The following RABGAP1 variants were observed in gnomAD, a reference collection of about 807,000 sequenced individuals.
RABGAP1 encodes the protein RAB GTPase activating protein 1.
In RABGAP1, 23 loss-of-function variants were observed where a neutral mutation model predicts 137.6. That is an observed-to-expected ratio of 0.17 (90% CI 0.12 to 0.24). The LOEUF (loss-of-function observed/expected upper bound fraction) is 0.24. Among genes scored for constraint, RABGAP1 ranks in the 10% least tolerant of loss-of-function variants. The probability of loss-of-function intolerance (pLI) is 1.00; values close to 1 mark genes in which losing one functional copy is unlikely to be tolerated. For missense variants in RABGAP1, 906 were observed against 1,275.8 expected (o/e 0.71, Z 4.42); for synonymous variants, 451 against 450.7 (o/e 1.00, Z -0.01).
chr9:123,050,922 A>G (rs866218406), intron 13 of RABGAP1, among the ~76,000 whole-genome samples: 2 of 152,272 alleles, frequency 1.3e-5, no homozygotes, highest in African/African-American at 4.8e-5. Context: ...ATGAAATACA[A>G]AGTTTCAATA....
chr9:123,023,174 T>C (rs1479683174), intron 13 of RABGAP1, among the ~76,000 whole-genome samples: 1 of 152,016 alleles, frequency 6.6e-6, no homozygotes, highest in East Asian at 1.9e-4. Flanking sequence ...TTAGTTTTGA[T>C]TGTTCTTGAA....
At chr9:122,934,234 C>G in the RABGAP1 span, among the ~76,000 whole-genome samples, 1 of 151,878 alleles carries the variant, frequency 6.6e-6, no homozygotes, top group African/African-American at 2.4e-5. Context: ...CGTGCCACCA[C>G]ACCCGGCTAA....
intron 21 of RABGAP1, 84 bp from the exon 22 acceptor site, chr9:123,097,657 C>A: frequency 2.5e-6 from 3 of 1,182,380 alleles, no homozygotes; most frequent in Non-Finnish European, 3.6e-6. Context: ...TCCCCATCAT[C>A]TTAAAATGGG....
intron 24 of RABGAP1, among the ~76,000 whole-genome samples, chr9:123,101,139 C>A (rs2035333189): frequency 6.6e-6 from 1 of 152,168 alleles, no homozygotes; most frequent in East Asian, 1.9e-4. Flanking sequence ...CATCCATTTT[C>A]CAATGTTATA....
At chr9:122,933,906 G>T in the RABGAP1 span, among the ~76,000 whole-genome samples, 2 of 146,436 alleles carry the variant, frequency 1.4e-5, no homozygotes, top group Non-Finnish European at 3.0e-5. Context: ...GAGCCACTGT[G>T]TCCAGCCCTT....
At chr9:123,015,683 T>G in intron 12 of RABGAP1, 47 bp downstream of exon 12, 2 of 1,350,702 alleles carry the variant, frequency 1.5e-6, no homozygotes, top group Non-Finnish European at 2.1e-6. Context: ...TTTCATTTTA[T>G]GGGTAGAGAA....
chr9:122,989,377 G>A lies in RABGAP1; in HGVS notation c.671G>A (p.Gly224Glu), dbSNP rs1564382399. The change falls in exon 5 of 26, where the codon GGA (glycine) becomes GAA (glutamate). Residue 224 changes from glycine (G) to glutamate (E), a missense_variant. Transcript: ENST00000373647. ...CTCTTCTGTGTCAGAGGGCATGATG[G>A]AACTCCTGAGAGTGACTGTTTTGCT... ...KILFCVRGHD[G>E]TPESDCFAFT... The A allele has an allele frequency of 3.7e-6, 6 of 1,613,912 alleles. No individual in the cohort carries two copies. The East Asian group carries it at 1.1e-4, about 30-fold the overall frequency.
intron 14 of RABGAP1, among the ~76,000 whole-genome samples, chr9:123,067,028 C>T (rs1174156370): frequency 6.6e-6 from 1 of 152,070 alleles, no homozygotes; most frequent in African/African-American, 2.4e-5. Context: ...AATACTACAT[C>T]TCTAAAAAAT....
chr9:123,097,922 C>T, intron 22 of RABGAP1, 77 bp downstream of exon 22: 4 of 1,240,700 alleles, frequency 3.2e-6, no homozygotes, highest in Non-Finnish European at 4.5e-6. Context: ...TTCCTGTTGG[C>T]ACTAGAAAAC....
At position 122,989,707 on chromosome 9, in the gene RABGAP1, G is replaced by T; in HGVS notation, c.765+236G>T. On this transcript the variant is annotated intron_variant, in intron 5 of 25. Transcript: ENST00000373647. ...AGATCTGTTGGCTACTTTTGATTGG[G>T]TTAAGTAGGCATTCTGGTTCTAACA... is the stretch of plus-strand genomic sequence containing the variant. The T allele has an allele frequency of 7.2e-6, 4 of 558,920 alleles. No individual in the cohort carries two copies. The South Asian group carries it at 9.6e-5, about 13-fold the overall frequency. 34.6% of individuals were successfully genotyped at this position (558,920 alleles called of 1,614,324 possible).
intron 14 of RABGAP1, among the ~76,000 whole-genome samples, chr9:123,067,194 G>T (rs2034204156): frequency 6.6e-6 from 1 of 152,082 alleles, no homozygotes; most frequent in Non-Finnish European, 1.5e-5. Context: ...CCATACCATT[G>T]TCCTGCTGCA....
At chr9:123,074,770 C>T (rs1246687141) in intron 17 of RABGAP1, among the ~76,000 whole-genome samples, 1 of 152,226 alleles carries the variant, frequency 6.6e-6, no homozygotes, top group African/African-American at 2.4e-5. Context: ...GTGCCTTCCC[C>T]TCACTCTGGC....
chr9:123,009,241 C>G (rs2030584259), intron 10 of RABGAP1, among the ~76,000 whole-genome samples: 1 of 152,194 alleles, frequency 6.6e-6, no homozygotes, highest in Non-Finnish European at 1.5e-5. Flanking sequence ...CTATTTGGCT[C>G]TTTACAGAAA....
In RABGAP1 at chr9:122,990,797, ATAT is replaced by A. The variant is rs1398411223; in HGVS notation, c.923+585_923+587del. ...AAAAAAAAAAAAAAAAAAAAAAAAA[ATAT>A]ATATATATATATATATATATATATA... On this transcript the variant is annotated intron_variant, in intron 6 of 25. Coordinates refer to ENST00000373647, the MANE Select transcript of RABGAP1 (RefSeq NM_012197.4). 50 of 31,774 alleles carry A rather than the reference ATAT, an allele frequency of 1.6e-3. 1 individual carries two copies. The highest frequency in any genetic ancestry group is 8.6e-3 in the African/African-American group (37 of 4,312). The allele number at this position is 31,774 out of a possible 1,614,324, so 2.0% of individuals were successfully genotyped here.
intron 2 of RABGAP1, among the ~76,000 whole-genome samples, chr9:122,983,929 T>C (rs1056345207): frequency 2.6e-5 from 4 of 152,244 alleles, no homozygotes; most frequent in Non-Finnish European, 5.9e-5. Flanking sequence ...TGTACATTCA[T>C]GTCAGCTTTA....
intron 22 of RABGAP1, 136 bp from the exon 23 acceptor site, chr9:123,098,579 G>A: frequency 1.6e-6 from 1 of 638,378 alleles, no homozygotes; most frequent in South Asian, 2.1e-5. Context: ...AAGATTGAAG[G>A]AAGAAAGTAG....
At chr9:122,983,960 C>T (rs1012142431) in intron 2 of RABGAP1, among the ~76,000 whole-genome samples, 2 of 152,190 alleles carry the variant, frequency 1.3e-5, no homozygotes, top group Admixed American at 6.5e-5. Context: ...TCAGAACTTT[C>T]AGAACCTGTT....
intron 2 of RABGAP1, among the ~76,000 whole-genome samples, chr9:122,983,899 T>G (rs1836223775): frequency 6.6e-6 from 1 of 152,198 alleles, no homozygotes; most frequent in African/African-American, 2.4e-5. Flanking sequence ...ATAGAGTGCT[T>G]TTATTTCTCA....
intron 13 of RABGAP1, among the ~76,000 whole-genome samples, chr9:123,063,999 C>T (rs946127724): frequency 6.6e-6 from 1 of 152,176 alleles, no homozygotes; most frequent in East Asian, 1.9e-4. Context: ...TTCTAGCTAC[C>T]TTGCCCGCCC....
Sources: allele counts gnomAD v4.1 joint callset (sites outside exome capture counted in the v4.1 genomes callset), GRCh38; gene constraint gnomAD v4.1.1; transcripts MANE v1.5; gene names NCBI Gene and HGNC (gene_info 2026-07-23, HGNC 2026-07-21).